RAB38: variants seen among roughly 807,000 people sequenced by gnomAD.
RAB38 encodes the protein ras-related protein Rab-38.
A neutral mutation model predicts 18.4 loss-of-function variants in RAB38; 15 were observed. The ratio of observed to expected loss-of-function variants is 0.82; its 90% CI spans 0.55 to 1.26. The LOEUF (loss-of-function observed/expected upper bound fraction) is 1.26, where lower values mean the gene tolerates loss of function less well. Among genes scored for constraint, RAB38 ranks in the 50% most tolerant of loss-of-function variants. The probability of loss-of-function intolerance (pLI) is 0.00; values close to 1 mark genes in which losing one functional copy is unlikely to be tolerated. For missense variants in RAB38, 294 were observed against 267.4 expected (o/e 1.10, Z -0.69); for synonymous variants, 101 against 104.4 (o/e 0.97, Z 0.20).
chr11:88,053,508 C>T, the RAB38 span, among the ~76,000 whole-genome samples: 2 of 146,880 alleles, frequency 1.4e-5, no homozygotes, highest in African/African-American at 5.0e-5. Flanking sequence ...ATATATATTC[C>T]ATGCCTTCTG....
chr11:88,026,750 C>T, the RAB38 span, among the ~76,000 whole-genome samples: 1 of 151,456 alleles, frequency 6.6e-6, no homozygotes, highest in African/African-American at 2.4e-5. Flanking sequence ...CAGAAGTTTT[C>T]AAAAGCCATT....
At chr11:87,950,760 TAGTC>T in the RAB38 span, among the ~76,000 whole-genome samples, 6,598 of 152,302 alleles carry the variant, frequency 0.043, 214 homozygotes, top group East Asian at 0.15. Flanking sequence ...GATCAGCTGT[TAGTC>T]TGATGGCCTT....
At chr11:87,863,853 A>T in the RAB38 span, among the ~76,000 whole-genome samples, 6 of 151,800 alleles carry the variant, frequency 4.0e-5, no homozygotes, top group Non-Finnish European at 7.4e-5. Flanking sequence ...ATGTCTAAGC[A>T]TAATGTGAAA....
the RAB38 span, among the ~76,000 whole-genome samples, chr11:87,941,218 T>TAG: frequency 9.6e-6 from 1 of 104,080 alleles, no homozygotes; most frequent in Admixed American, 1.0e-4. Context: ...ATATGAGATA[T>TAG]ATATATATAT....
chr11:87,863,308 A>G, the RAB38 span, among the ~76,000 whole-genome samples: 1 of 151,890 alleles, frequency 6.6e-6, no homozygotes, highest in Non-Finnish European at 1.5e-5. Flanking sequence ...AGGATTAAAG[A>G]TAATAACATA....
At chr11:88,058,672 CT>C in the RAB38 span, among the ~76,000 whole-genome samples, 1 of 152,034 alleles carries the variant, frequency 6.6e-6, no homozygotes, top group Non-Finnish European at 1.5e-5. Context: ...TGGTCCTGGC[CT>C]TTTTGTTGTG....
the RAB38 span, among the ~76,000 whole-genome samples, chr11:88,032,507 C>A: frequency 1.3e-5 from 2 of 152,158 alleles, no homozygotes; most frequent in African/African-American, 4.8e-5. Context: ...TATCCAGAAT[C>A]TACAATGAAC....
chr11:88,136,349 A>C (rs1408631002), intron 2 of RAB38, among the ~76,000 whole-genome samples: 1 of 152,184 alleles, frequency 6.6e-6, no homozygotes, highest in Non-Finnish European at 1.5e-5. Context: ...GTCATCCACA[A>C]ATCTAAGGGC....
chr11:87,945,781 T>G, the RAB38 span, among the ~76,000 whole-genome samples: 2 of 152,136 alleles, frequency 1.3e-5, no homozygotes, highest in Admixed American at 1.3e-4. Flanking sequence ...CCAAATTTTG[T>G]GCTCGTAAAT....
the RAB38 span, among the ~76,000 whole-genome samples, chr11:88,079,294 T>G: frequency 6.6e-6 from 1 of 151,660 alleles, no homozygotes; most frequent in Admixed American, 6.6e-5. Flanking sequence ...CAATTATTAT[T>G]CAAAAATGTC....
At chr11:87,840,329 T>C in the RAB38 span, among the ~76,000 whole-genome samples, 1 of 152,334 alleles carries the variant, frequency 6.6e-6, no homozygotes, top group Non-Finnish European at 1.5e-5. Context: ...ATGATGGGTC[T>C]TGGATTTCAG....
At chr11:88,048,147 C>T in the RAB38 span, among the ~76,000 whole-genome samples, 1,628 of 152,238 alleles carry the variant, frequency 0.011, 23 homozygotes, top group African/African-American at 0.038. Context: ...CCACCCAGGA[C>T]TGGCAAATTG....
the RAB38 span, among the ~76,000 whole-genome samples, chr11:88,003,806 T>A: frequency 0.17 from 46 of 264 alleles, 9 homozygotes; most frequent in Admixed American, 0.25. Flanking sequence ...ATTGTATATA[T>A]TATATATAAT....
At chr11:87,913,865 C>T in the RAB38 span, among the ~76,000 whole-genome samples, 4 of 152,104 alleles carry the variant, frequency 2.6e-5, no homozygotes, top group Admixed American at 6.6e-5. Context: ...TCTGTGCTAC[C>T]TCAGGACTCT....
At chr11:88,005,588 T>A in the RAB38 span, among the ~76,000 whole-genome samples, 1 of 151,300 alleles carries the variant, frequency 6.6e-6, no homozygotes, top group African/African-American at 2.4e-5. Flanking sequence ...TGCAGAAGTT[T>A]TTTTTTTTAA....
the RAB38 span, among the ~76,000 whole-genome samples, chr11:87,905,406 C>T: frequency 2.6e-4 from 40 of 151,722 alleles, no homozygotes; most frequent in African/African-American, 8.4e-4. Flanking sequence ...TGTGTCTTTG[C>T]GTGTCTACTC....
At chr11:88,070,090 G>T in the RAB38 span, among the ~76,000 whole-genome samples, 3 of 152,060 alleles carry the variant, frequency 2.0e-5, no homozygotes, top group African/African-American at 7.2e-5. Flanking sequence ...TTGTTCTTTT[G>T]CTCTTTGCAA....
chr11:87,850,167 A>G, the RAB38 span, among the ~76,000 whole-genome samples: 6 of 152,144 alleles, frequency 3.9e-5, no homozygotes, highest in Non-Finnish European at 5.9e-5. Context: ...CTGTAGAGGT[A>G]CCAAGTCTTC....
chr11:88,011,982 C>T, the RAB38 span, among the ~76,000 whole-genome samples: 9 of 152,172 alleles, frequency 5.9e-5, no homozygotes, highest in Admixed American at 5.9e-4. Flanking sequence ...GGGGCACACT[C>T]ACTCTCTCTA....
Sources: allele counts gnomAD v4.1 joint callset (sites outside exome capture counted in the v4.1 genomes callset), GRCh38; gene constraint gnomAD v4.1.1; transcripts MANE v1.5; gene names NCBI Gene and HGNC (gene_info 2026-07-23, HGNC 2026-07-21).